The following LRRC1 variants were observed in gnomAD, a reference collection of about 807,000 sequenced individuals.
LRRC1 encodes leucine rich repeat containing 1, also known as leucine-rich repeat-containing protein 1.
In LRRC1, 28 loss-of-function variants were observed where a neutral mutation model predicts 69.9. The observed-to-expected ratio is 0.40, with a 90% confidence interval of 0.30 to 0.55. The LOEUF (loss-of-function observed/expected upper bound fraction) is 0.55, where lower values mean the gene tolerates loss of function less well. Among genes scored for constraint, LRRC1 ranks in the 20% least tolerant of loss-of-function variants. The probability of loss-of-function intolerance (pLI) is 0.47; values close to 1 mark genes in which losing one functional copy is unlikely to be tolerated. For synonymous variants in LRRC1, 236 were observed against 240.2 expected (o/e 0.98, Z 0.16); for missense variants, 498 against 609.0 (o/e 0.82, Z 1.92).
intron 13 of LRRC1, among the ~76,000 whole-genome samples, chr6:53,921,310 T>C (rs1768735531): frequency 6.6e-6 from 1 of 152,194 alleles, no homozygotes; most frequent in Non-Finnish European, 1.5e-5. Context: ...CTTCTTTTTC[T>C]TTATTTGTAA....
rs201594887 is a variant in LRRC1, at chr6:53,795,288, A to G, written c.32A>G (p.Asn11Ser). The change falls in exon 1 of 14, where the codon AAC (asparagine) becomes AGC (serine). Residue 11 changes from asparagine to serine, a missense_variant. By Grantham distance (46) the Asn-to-Ser change is conservative. Transcript: ENST00000370888. Reference sequence around the variant, plus strand: ...CACTGCATCCCCCTGTGGCGGTGCAACCGTCATGTGGAGAGCATCGACAAG... The same window carrying G: ...CACTGCATCCCCCTGTGGCGGTGCAGCCGTCATGTGGAGAGCATCGACAAG... The part of the protein sequence containing the change: MFHCIPLWRC[N>S]RHVESIDKRH... The G allele has an allele frequency of 1.2e-5, 19 of 1,612,314 alleles. No homozygotes were observed. In the South Asian group the frequency reaches 1.5e-4, roughly 13 times the overall value.
intron 10 of LRRC1, among the ~76,000 whole-genome samples, chr6:53,911,948 A>G (rs1189766341): frequency 2.0e-5 from 3 of 152,196 alleles, no homozygotes; most frequent in Non-Finnish European, 4.4e-5. Flanking sequence ...TTGGGGCTTG[A>G]TGTTTCTAAA....
rs986115826 is a variant in LRRC1, at chr6:53,817,925, G to A, written c.159+22510G>A. The stretch of plus-strand genomic sequence containing the variant: ...TTTAATTGCATAAAGCCAGTGCTAT[G>A]TGCGCTGTATGATCAGCACTTTTTT... On this transcript the variant is annotated intron_variant, in intron 1 of 13. Coordinates refer to ENST00000370888, the MANE Select transcript of LRRC1 (RefSeq NM_018214.5). Among the ~76,000 whole-genome samples the A allele has an allele frequency of 6.6e-5, 10 of 152,278 alleles. 1 individual carries two copies. The highest frequency in any genetic ancestry group is 3.9e-4 in the Admixed American group (6 of 15,300).
At chr6:53,837,477 G>A (rs10948782) in intron 1 of LRRC1, among the ~76,000 whole-genome samples, 23,933 of 152,126 alleles carry the variant, frequency 0.16, 1,988 homozygotes, top group African/African-American at 0.17. Context: ...AGATGTATGT[G>A]ATAGGTTAGA....
At chr6:53,826,848 C>A (rs1194183822) in intron 1 of LRRC1, among the ~76,000 whole-genome samples, 1 of 151,420 alleles carries the variant, frequency 6.6e-6, no homozygotes, top group African/African-American at 2.4e-5. Flanking sequence ...TTTTAACACT[C>A]TTCCTCCCCC....
intron 1 of LRRC1, among the ~76,000 whole-genome samples, chr6:53,824,112 G>A (rs761200877): frequency 1.3e-5 from 2 of 150,564 alleles, no homozygotes; most frequent in Non-Finnish European, 3.0e-5. Flanking sequence ...CACCAACAGC[G>A]TTTAAGTGTT....
intron 1 of LRRC1, among the ~76,000 whole-genome samples, chr6:53,823,067 G>A (rs1765160284): frequency 6.6e-6 from 1 of 152,250 alleles, no homozygotes; most frequent in Admixed American, 6.5e-5. Context: ...AATTCTCCAG[G>A]TCCCTTGATC....
chr6:53,919,746 T>TA (rs1164729669), intron 12 of LRRC1, 76 bp downstream of exon 12: 2 of 1,308,808 alleles, frequency 1.5e-6, no homozygotes, highest in African/African-American at 3.0e-5. Context: ...TAAGGCCTCT[T>TA]ACTCCCTCAT....
At chr6:53,900,755 G>T (rs1172174532) in intron 8 of LRRC1, among the ~76,000 whole-genome samples, 1 of 152,186 alleles carries the variant, frequency 6.6e-6, no homozygotes, top group African/African-American at 2.4e-5. Context: ...ACTTAGTCCA[G>T]TGTGAGAAAT....
intron 2 of LRRC1, among the ~76,000 whole-genome samples, chr6:53,864,862 CTGTCAGGTGACTAA>C (rs1766645317): frequency 6.6e-6 from 1 of 152,158 alleles, no homozygotes; most frequent in South Asian, 2.1e-4. Flanking sequence ...GTGACACCAG[CTGTCAGGTGACTAA>C]TTTTAACAAA....
At chr6:53,891,990 T>TAA (rs11355552) in intron 4 of LRRC1, among the ~76,000 whole-genome samples, 26 of 84,976 alleles carry the variant, frequency 3.1e-4, no homozygotes, top group African/African-American at 1.1e-3. Flanking sequence ...AGATTCTGTC[T>TAA]AAAAAAAAAA....
At chr6:53,915,883 T>C (rs1768549192) in intron 11 of LRRC1, among the ~76,000 whole-genome samples, 1 of 152,208 alleles carries the variant, frequency 6.6e-6, no homozygotes, top group Admixed American at 6.5e-5. Flanking sequence ...AAGGGCTACC[T>C]TGTCAGCCTT....
chr6:53,818,004 G>A (rs1211557445), intron 1 of LRRC1, among the ~76,000 whole-genome samples: 1 of 152,218 alleles, frequency 6.6e-6, no homozygotes, highest in Non-Finnish European at 1.5e-5. Context: ...TGTGTAATGT[G>A]TAATATATGG....
At chr6:53,852,219 T>A (rs1004304880) in intron 2 of LRRC1, among the ~76,000 whole-genome samples, 5 of 152,246 alleles carry the variant, frequency 3.3e-5, no homozygotes, top group Non-Finnish European at 7.3e-5. Flanking sequence ...AGTATGCTTT[T>A]TGTTAGAAAA....
chr6:53,867,193 T>A (rs1164884334), intron 2 of LRRC1, among the ~76,000 whole-genome samples: 1 of 151,946 alleles, frequency 6.6e-6, no homozygotes, highest in Non-Finnish European at 1.5e-5. Flanking sequence ...CTCCTTAACG[T>A]TTTTGTGAAG....
intron 4 of LRRC1, among the ~76,000 whole-genome samples, chr6:53,895,397 C>G (rs911930174): frequency 6.6e-6 from 1 of 152,096 alleles, no homozygotes; most frequent in African/African-American, 2.4e-5. Context: ...TTTAAATTTA[C>G]ATTTCTGGAT....
chr6:53,871,985 GC>G (rs1209592749), intron 2 of LRRC1, among the ~76,000 whole-genome samples: 2 of 151,998 alleles, frequency 1.3e-5, no homozygotes, highest in Non-Finnish European at 2.9e-5. Context: ...TGCTTTTGTT[GC>G]CTGTGTTTTT....
chr6:53,822,243 G>A (rs1445870867), intron 1 of LRRC1, among the ~76,000 whole-genome samples: 2 of 152,106 alleles, frequency 1.3e-5, no homozygotes, highest in Admixed American at 6.5e-5. Context: ...AGGCTCAGAT[G>A]CCAGAGAAAG....
At chr6:53,845,261 CTATT>C (rs1765907224) in intron 2 of LRRC1, among the ~76,000 whole-genome samples, 1 of 152,134 alleles carries the variant, frequency 6.6e-6, no homozygotes, top group South Asian at 2.1e-4. Context: ...AACAAGGTCA[CTATT>C]TACTGTAACC....
Sources: gnomAD v4.1 joint callset for allele counts (sites outside exome capture counted in the v4.1 genomes callset) on GRCh38, gnomAD v4.1.1 for gene constraint, MANE v1.5 for transcripts, NCBI Gene and HGNC (gene_info 2026-07-23, HGNC 2026-07-21) for gene names.